RGS6: variants seen among roughly 807,000 people sequenced by gnomAD.
The protein encoded by RGS6 is regulator of G-protein signaling 6.
A neutral mutation model predicts 78.5 loss-of-function variants in RGS6; 30 were observed. The observed-to-expected ratio is 0.38, with a 90% CI of 0.29 to 0.52. The LOEUF (loss-of-function observed/expected upper bound fraction) is 0.52, where lower values mean the gene tolerates loss of function less well. Ranked by LOEUF, RGS6 falls within the 20% of genes least tolerant of loss-of-function variation. The probability of loss-of-function intolerance (pLI) is 0.85; values close to 1 mark genes in which losing one functional copy is unlikely to be tolerated. For synonymous variants in RGS6, 206 were observed against 206.0 expected (o/e 1.00, Z 0.00); for missense variants, 495 against 609.7 (o/e 0.81, Z 1.98).
At chr14:72,311,939 G>A (rs957294935) in intron 2 of RGS6, among the ~76,000 whole-genome samples, 35 of 152,140 alleles carry the variant, frequency 2.3e-4, no homozygotes, top group African/African-American at 8.2e-4. Context: ...GGTCAAGATC[G>A]ATTTCTTCAT....
intron 3 of RGS6, among the ~76,000 whole-genome samples, chr14:72,420,487 A>G (rs1055008591): frequency 2.0e-5 from 3 of 152,168 alleles, no homozygotes; most frequent in African/African-American, 7.2e-5. Flanking sequence ...ATAATTTGTG[A>G]GGTCTGGTAT....
At chr14:72,028,485 T>G (rs2090300359) in intron 2 of RGS6, among the ~76,000 whole-genome samples, 1 of 152,246 alleles carries the variant, frequency 6.6e-6, no homozygotes, top group Non-Finnish European at 1.5e-5. Context: ...CTGTGCATAG[T>G]GACTCTTACA....
At chr14:72,045,500 C>G (rs563903604) in intron 2 of RGS6, among the ~76,000 whole-genome samples, 230 of 152,244 alleles carry the variant, frequency 1.5e-3, no homozygotes, top group African/African-American at 5.5e-3. Context: ...TTGGGATTCC[C>G]TAAGAACTCC....
At chr14:72,476,878 G>A (rs376357266) in intron 11 of RGS6, 38 bp downstream of exon 11, 94 of 1,563,674 alleles carry the variant, frequency 6.0e-5, no homozygotes, top group Admixed American at 8.4e-5. Context: ...AGGAGGAGAC[G>A]TGGCCAGTTT....
the RGS6 span, among the ~76,000 whole-genome samples, chr14:71,890,939 G>T: frequency 1.3e-5 from 2 of 152,108 alleles, no homozygotes; most frequent in East Asian, 3.9e-4. Context: ...GTACTCAGTG[G>T]GACTTCTGGG....
intron 2 of RGS6, among the ~76,000 whole-genome samples, chr14:72,261,645 C>A (rs1006256301): frequency 6.6e-6 from 1 of 152,074 alleles, no homozygotes; most frequent in Non-Finnish European, 1.5e-5. Flanking sequence ...TTACCAAACC[C>A]ACACGATACA....
At chr14:72,039,993 C>T (rs1384544008) in intron 2 of RGS6, among the ~76,000 whole-genome samples, 2 of 151,826 alleles carry the variant, frequency 1.3e-5, no homozygotes, top group African/African-American at 4.8e-5. Flanking sequence ...CCTTTACATC[C>T]CCCGTCCTAC....
the RGS6 span, among the ~76,000 whole-genome samples, chr14:72,591,648 T>C: frequency 6.6e-6 from 1 of 152,230 alleles, no homozygotes; most frequent in East Asian, 1.9e-4. Flanking sequence ...AGCATTTACC[T>C]GGTGCCTACT....
At chr14:72,511,517 G>A (rs191116638) in intron 14 of RGS6, 4 of 152,342 alleles carry the variant, frequency 2.6e-5, no homozygotes, top group African/African-American at 4.8e-5. Flanking sequence ...CACAAGAAAT[G>A]ATTAAATCAT....
chr14:72,543,243 G>A (rs544258298), intron 17 of RGS6, among the ~76,000 whole-genome samples: 139 of 152,192 alleles, frequency 9.1e-4, no homozygotes, highest in Non-Finnish European at 1.5e-3. Context: ...CCTCACAGAT[G>A]CCCAGCTGAC....
intron 2 of RGS6, among the ~76,000 whole-genome samples, chr14:72,225,417 G>A (rs2047896572): frequency 6.6e-6 from 1 of 152,070 alleles, no homozygotes. Flanking sequence ...CAACTTCCCT[G>A]GGCTCAGGTG....
Position 72,410,496 on chromosome 14 carries a change from C to A in RGS6, c.185-44032C>A, listed in dbSNP as rs557708336. Among the ~76,000 whole-genome samples, 483 of 151,906 alleles carry A rather than the reference C, an allele frequency of 3.2e-3. 1 individual carries two copies. Among genetic ancestry groups the A allele is most frequent in the African/African-American group, 0.011 (453 of 41,416 alleles). ...CTTTGTCAGATGAATAGGTTGCAAACATTTTCTCCCATTCTGTAGGTTGCC... is the reference window on the plus strand; with the variant it reads ...CTTTGTCAGATGAATAGGTTGCAAAAATTTTCTCCCATTCTGTAGGTTGCC... On this transcript the variant is annotated intron_variant, in intron 3 of 17. Transcript: ENST00000553525.
At chr14:72,276,672 A>G (rs1242030890) in intron 2 of RGS6, among the ~76,000 whole-genome samples, 2 of 152,122 alleles carry the variant, frequency 1.3e-5, no homozygotes, top group African/African-American at 4.8e-5. Context: ...TGGTTTTATA[A>G]GGGATTTCTG....
intron 2 of RGS6, among the ~76,000 whole-genome samples, chr14:72,171,163 C>T (rs545448018): frequency 2.0e-5 from 3 of 151,928 alleles, no homozygotes; most frequent in Admixed American, 2.0e-4. Flanking sequence ...TACATGCACA[C>T]GTGCTGAGGA....
chr14:71,899,502 C>G, the RGS6 span, among the ~76,000 whole-genome samples: 1 of 152,212 alleles, frequency 6.6e-6, no homozygotes, highest in Non-Finnish European at 1.5e-5. Context: ...GTACGGTACA[C>G]TCAACCCCTC....
intron 2 of RGS6, among the ~76,000 whole-genome samples, chr14:71,967,328 C>T (rs1398514758): frequency 6.6e-6 from 1 of 151,984 alleles, no homozygotes; most frequent in African/African-American, 2.4e-5. Context: ...CCATTTTAAA[C>T]CTAGTTAACC....
At chr14:72,327,614 C>T (rs949948008) in intron 2 of RGS6, among the ~76,000 whole-genome samples, 41 of 152,174 alleles carry the variant, frequency 2.7e-4, no homozygotes, top group Non-Finnish European at 4.0e-4. Flanking sequence ...GCTTTTTATT[C>T]AGAGCCAAGT....
chr14:71,956,208 A>T (rs1027782386), intron 1 of RGS6, among the ~76,000 whole-genome samples: 1 of 152,052 alleles, frequency 6.6e-6, no homozygotes, highest in African/African-American at 2.4e-5. Flanking sequence ...CAAAGTGTTC[A>T]TCTGTTTGGA....
intron 17 of RGS6, among the ~76,000 whole-genome samples, chr14:72,561,939 C>T (rs2097681460): frequency 6.6e-6 from 1 of 152,186 alleles, no homozygotes. Flanking sequence ...CAGGACTCTG[C>T]CTTCTTAAGA....
Sources: gnomAD v4.1 joint callset for allele counts (sites outside exome capture counted in the v4.1 genomes callset) on GRCh38, gnomAD v4.1.1 for gene constraint, MANE v1.5 for transcripts, NCBI Gene and HGNC (gene_info 2026-07-23, HGNC 2026-07-21) for gene names.